Variants in ATRN observed in about 807,000 individuals in gnomAD.
ATRN encodes attractin.
Under a neutral mutation model 178.7 loss-of-function variants are expected in ATRN, and 54 were observed. The observed-to-expected ratio is 0.30, with a 90% confidence interval of 0.24 to 0.38. The LOEUF is 0.38. Ranked by LOEUF, ATRN falls within the 10% of genes least tolerant of loss-of-function variation. ATRN has a pLI of 1.00. For synonymous variants in ATRN, 636 were observed against 663.0 expected (o/e 0.96, Z 0.63); for missense variants, 1,443 against 1,815.1 (o/e 0.79, Z 3.73).
chr20:3,535,880 T>G (rs982946908), intron 2 of ATRN, among the ~76,000 whole-genome samples: 1 of 152,124 alleles, frequency 6.6e-6, no homozygotes, highest in Non-Finnish European at 1.5e-5. Flanking sequence ...TCCGCTCGCC[T>G]CAGCCTTCCA....
intron 1 of ATRN, among the ~76,000 whole-genome samples, chr20:3,473,004 T>C (rs1487971044): frequency 2.6e-5 from 4 of 152,206 alleles, no homozygotes; most frequent in African/African-American, 9.6e-5. Flanking sequence ...TTTAGTTTTA[T>C]GGATGGAGAA....
chr20:3,614,752 A>G (rs1456167634), intron 24 of ATRN, among the ~76,000 whole-genome samples: 1 of 151,992 alleles, frequency 6.6e-6, no homozygotes, highest in Non-Finnish European at 1.5e-5. Flanking sequence ...ATTTTAGAAT[A>G]TTTTCACCAC....
At chr20:3,513,140 T>A (rs1187181059) in intron 1 of ATRN, among the ~76,000 whole-genome samples, 1 of 152,222 alleles carries the variant, frequency 6.6e-6, no homozygotes, top group Non-Finnish European at 1.5e-5. Context: ...ATTTTAGCTT[T>A]TGTTACCATT....
At chr20:3,620,245 G>A (rs1481552081) in intron 24 of ATRN, among the ~76,000 whole-genome samples, 1 of 151,004 alleles carries the variant, frequency 6.6e-6, no homozygotes, top group Admixed American at 6.6e-5. Flanking sequence ...GTTTTGTTTT[G>A]TTTTGTTTTG....
intron 1 of ATRN, among the ~76,000 whole-genome samples, chr20:3,522,496 G>A (rs898132203): frequency 6.6e-6 from 1 of 152,198 alleles, no homozygotes; most frequent in Non-Finnish European, 1.5e-5. Context: ...AGCTTCAGCT[G>A]ACTTAAACAT....
intron 24 of ATRN, among the ~76,000 whole-genome samples, chr20:3,622,993 G>A (rs773380461): frequency 3.3e-5 from 5 of 152,194 alleles, no homozygotes; most frequent in Non-Finnish European, 7.3e-5. Context: ...AGTGGTTTTT[G>A]GCATCTAGCA....
At position 3,629,262 on chromosome 20, in the gene ATRN, T is replaced by G. The variant is rs529139730; in HGVS notation, c.3863+4690T>G. 8.1e-6 allele frequency: 8 copies of G among 985,396 alleles called. No individual in the cohort carries two copies. In the East Asian group the frequency reaches 9.1e-4, roughly 112 times the overall value. The allele number at this position is 985,396 out of a possible 1,614,324, so 61.0% of individuals were successfully genotyped here. A position where few individuals can be genotyped will look rare whatever the true frequency, so the allele number is the denominator to read the frequency against. On this transcript the variant is annotated intron_variant, in intron 25 of 28. Transcript: ENST00000262919. ...TCATGTATCTAGCCCCTTACCTTCC[T>G]GTCGTATCTAAAATAAAATTCAGCG...
chr20:3,521,912 G>T (rs917267851), intron 1 of ATRN, among the ~76,000 whole-genome samples: 1 of 151,992 alleles, frequency 6.6e-6, no homozygotes, highest in African/African-American at 2.4e-5. Flanking sequence ...CTCCTGAGTA[G>T]CTGGGACTAC....
chr20:3,542,260 G>A (rs1402658018), intron 3 of ATRN, among the ~76,000 whole-genome samples: 1 of 152,160 alleles, frequency 6.6e-6, no homozygotes. Context: ...GGATTCACTT[G>A]TTACTGTGTT....
chr20:3,568,249 G>A (rs1464487314), intron 11 of ATRN, among the ~76,000 whole-genome samples: 2 of 151,076 alleles, frequency 1.3e-5, no homozygotes, highest in Non-Finnish European at 2.9e-5. Context: ...CTGAGATCGC[G>A]CCACTGCACT....
intron 1 of ATRN, among the ~76,000 whole-genome samples, chr20:3,510,508 T>C (rs1012574184): frequency 6.6e-6 from 1 of 152,226 alleles, no homozygotes; most frequent in Non-Finnish European, 1.5e-5. Flanking sequence ...TTGTACTGCC[T>C]TTCTTTTTCT....
chr20:3,603,919 C>G (rs906626679), intron 23 of ATRN, among the ~76,000 whole-genome samples, 186 bp from the exon 24 acceptor site: 2 of 152,122 alleles, frequency 1.3e-5, no homozygotes, highest in African/African-American at 4.8e-5. Context: ...ATTTCCCAGT[C>G]TATAAATGAA....
Position 3,650,797 on chromosome 20 carries a change from T to G in ATRN, c.*3950T>G, listed in dbSNP as rs572761060. On this transcript the variant is annotated 3_prime_UTR_variant, in exon 29 of 29. Coordinates refer to ENST00000262919, the MANE Select transcript of ATRN (RefSeq NM_139321.3). The stretch of plus-strand genomic sequence containing the variant: ...TTCTGGCTCTGGAAATGTTTTTGTT[T>G]TATAGTTATTTACGATTTCGTTTGT... 1.2e-4 allele frequency: 19 copies of G among 152,804 alleles called. No individual in the cohort carries two copies. The East Asian group carries it at 3.3e-3, about 26-fold the overall frequency. 9.5% of individuals were successfully genotyped at this position (152,804 alleles called of 1,614,324 possible).
At chr20:3,606,703 C>T (rs187488084) in intron 24 of ATRN, among the ~76,000 whole-genome samples, 20 of 152,256 alleles carry the variant, frequency 1.3e-4, no homozygotes, top group Middle Eastern at 3.4e-3. Flanking sequence ...TTGAGCATGA[C>T]GTATTATTTC....
At chr20:3,487,848 C>G (rs1370977384) in intron 1 of ATRN, among the ~76,000 whole-genome samples, 2 of 152,154 alleles carry the variant, frequency 1.3e-5, no homozygotes, top group Admixed American at 1.3e-4. Flanking sequence ...TTGGTCCATG[C>G]TGAAACTGCT....
At chr20:3,494,402 G>A (rs1275004486) in intron 1 of ATRN, among the ~76,000 whole-genome samples, 1 of 152,090 alleles carries the variant, frequency 6.6e-6, no homozygotes, top group Non-Finnish European at 1.5e-5. Context: ...GATTGCCCTT[G>A]GTAACATTAT....
intron 6 of ATRN, among the ~76,000 whole-genome samples, chr20:3,555,034 G>T (rs2085851805): frequency 8.6e-6 from 1 of 116,150 alleles, no homozygotes; most frequent in Admixed American, 1.2e-4. Flanking sequence ...ACGGAGTCTC[G>T]CTGTCGCCCA....
chr20:3,628,062 C>T (rs2086957862), intron 25 of ATRN, among the ~76,000 whole-genome samples: 2 of 152,120 alleles, frequency 1.3e-5, no homozygotes, highest in Admixed American at 1.3e-4. Context: ...ATCCCAGCTA[C>T]TCGGGAGGCT....
chr20:3,591,978 C>T (rs1263384407), intron 19 of ATRN, among the ~76,000 whole-genome samples: 1 of 152,234 alleles, frequency 6.6e-6, no homozygotes, highest in Admixed American at 6.5e-5. Flanking sequence ...TTAGGCCCAC[C>T]TCACAGGTCA....
Sources: gnomAD v4.1 joint callset for allele counts (sites outside exome capture counted in the v4.1 genomes callset) on GRCh38, gnomAD v4.1.1 for gene constraint, MANE v1.5 for transcripts, NCBI Gene and HGNC (gene_info 2026-07-23, HGNC 2026-07-21) for gene names.